The following CTNNA2 variants were observed in gnomAD, a reference collection of about 807,000 sequenced individuals.
CTNNA2 encodes the protein catenin alpha-2.
Under a neutral mutation model 101.0 loss-of-function variants are expected in CTNNA2, and 42 were observed. The observed-to-expected ratio is 0.42, with a 90% confidence interval of 0.32 to 0.54. CTNNA2 has a LOEUF of 0.54. CTNNA2 is among the 20% of genes least tolerant of loss of function. The pLI, the probability that CTNNA2 is intolerant of heterozygous loss-of-function variation, is 0.14. For synonymous variants in CTNNA2, 450 were observed against 456.4 expected (o/e 0.99, Z 0.18); for missense variants, 871 against 1,223.1 (o/e 0.71, Z 4.29).
chr2:80,280,248 C>G (rs1290174720), intron 7 of CTNNA2, among the ~76,000 whole-genome samples: 1 of 148,430 alleles, frequency 6.7e-6, no homozygotes, highest in East Asian at 2.1e-4. Context: ...TCTGGTATTT[C>G]TCAAATCCTG....
rs558774857 is a variant in CTNNA2, at chr2:79,543,810, C to A, written c.-6+30603C>A. On this transcript the variant is annotated intron_variant, in intron 1 of 18. Coordinates refer to ENST00000402739, the MANE Select transcript of CTNNA2 (RefSeq NM_001282597.3). ...CATGATACCAAAATTTCATTAACACCAATTTGAAAATATTAAAGAATAAAA... is the reference window on the plus strand; with the variant it reads ...CATGATACCAAAATTTCATTAACACAAATTTGAAAATATTAAAGAATAAAA... 1.6e-4 allele frequency among the ~76,000 whole-genome samples: 24 copies of A among 152,216 alleles called. No homozygotes were observed. In the East Asian group the frequency reaches 3.5e-3, roughly 22 times the overall value.
intron 4 of CTNNA2, among the ~76,000 whole-genome samples, chr2:79,496,651 G>A (rs1193205587): frequency 6.6e-6 from 1 of 150,970 alleles, no homozygotes; most frequent in Non-Finnish European, 1.5e-5. Flanking sequence ...TCCTAATTTT[G>A]AATACTTTTT....
At chr2:79,361,696 G>T (rs1035266200) in intron 3 of CTNNA2, among the ~76,000 whole-genome samples, 5 of 152,128 alleles carry the variant, frequency 3.3e-5, no homozygotes, top group Admixed American at 3.3e-4. Flanking sequence ...CCCACAATAG[G>T]CCATTTGCAA....
intron 9 of CTNNA2, among the ~76,000 whole-genome samples, chr2:80,505,619 T>C (rs977608282): frequency 6.6e-6 from 1 of 152,204 alleles, no homozygotes; most frequent in African/African-American, 2.4e-5. Context: ...GGGTGATATC[T>C]AAAGTTCCAC....
intron 7 of CTNNA2, among the ~76,000 whole-genome samples, chr2:80,388,017 C>G (rs1449521403): frequency 3.3e-5 from 5 of 152,144 alleles, no homozygotes; most frequent in South Asian, 2.1e-4. Flanking sequence ...AAGTGGGGAG[C>G]AGGCTCAAAA....
chr2:79,916,143 A>G (rs951061293), intron 7 of CTNNA2, among the ~76,000 whole-genome samples: 1 of 152,236 alleles, frequency 6.6e-6, no homozygotes, highest in Non-Finnish European at 1.5e-5. Context: ...AGCTTGGCTA[A>G]TAATAACTTT....
chr2:80,530,129 C>G (rs1044818768), intron 9 of CTNNA2, among the ~76,000 whole-genome samples: 2 of 152,112 alleles, frequency 1.3e-5, no homozygotes, highest in Non-Finnish European at 2.9e-5. Context: ...AACAAGGCAG[C>G]AGTGGTTACT....
chr2:80,012,096 C>T (rs1255785244), intron 7 of CTNNA2, among the ~76,000 whole-genome samples: 1 of 152,138 alleles, frequency 6.6e-6, no homozygotes, highest in Non-Finnish European at 1.5e-5. Flanking sequence ...GATTTGAGAC[C>T]AGTCTCCCTC....
chr2:80,083,787 T>G (rs1304627704), intron 7 of CTNNA2, among the ~76,000 whole-genome samples: 1 of 152,164 alleles, frequency 6.6e-6, no homozygotes, highest in Admixed American at 6.6e-5. Context: ...TACACTGTAT[T>G]TTTTCATTGT....
At chr2:80,257,544 C>T (rs1262088619) in intron 7 of CTNNA2, among the ~76,000 whole-genome samples, 1 of 152,156 alleles carries the variant, frequency 6.6e-6, no homozygotes, top group Non-Finnish European at 1.5e-5. Context: ...ATTCTGTGGC[C>T]TGGGTGTAGC....
At chr2:80,423,594 C>A (rs987386620) in intron 9 of CTNNA2, among the ~76,000 whole-genome samples, 1 of 151,866 alleles carries the variant, frequency 6.6e-6, no homozygotes, top group Non-Finnish European at 1.5e-5. Flanking sequence ...TGTTTTGGGG[C>A]GGCTCCACAG....
intron 7 of CTNNA2, among the ~76,000 whole-genome samples, chr2:80,000,796 G>T (rs576965708): frequency 4.1e-4 from 62 of 152,248 alleles, no homozygotes; most frequent in African/African-American, 1.3e-3. Context: ...TCCTGCCTAG[G>T]GATTTAGGGC....
At chr2:79,942,096 T>A (rs1688201512) in intron 7 of CTNNA2, among the ~76,000 whole-genome samples, 1 of 152,214 alleles carries the variant, frequency 6.6e-6, no homozygotes, top group South Asian at 2.1e-4. Flanking sequence ...CTGGCTCATT[T>A]AATCATCACC....
intron 1 of CTNNA2, among the ~76,000 whole-genome samples, chr2:79,642,733 T>C (rs1558796311): frequency 6.6e-6 from 1 of 151,922 alleles, no homozygotes; most frequent in Admixed American, 6.6e-5. Context: ...AGGATGCCTT[T>C]TACTCTCTAG....
intron 7 of CTNNA2, among the ~76,000 whole-genome samples, chr2:80,075,330 G>C (rs1011196287): frequency 1.3e-5 from 2 of 151,858 alleles, no homozygotes; most frequent in Non-Finnish European, 2.9e-5. Flanking sequence ...GGAGTTAGCT[G>C]TACCTGAATT....
chr2:79,983,123 T>C (rs886261888), intron 7 of CTNNA2, among the ~76,000 whole-genome samples: 2 of 149,902 alleles, frequency 1.3e-5, no homozygotes, highest in African/African-American at 4.9e-5. Flanking sequence ...AACAGTTTTA[T>C]ATATATATGT....
chr2:79,518,737 T>C (rs950113047), intron 1 of CTNNA2, among the ~76,000 whole-genome samples: 4 of 152,206 alleles, frequency 2.6e-5, no homozygotes, highest in Admixed American at 1.3e-4. Flanking sequence ...AGTGAGGAAG[T>C]AGCAATGTCC....
chr2:79,505,798 T>C (rs768664449), intron 5 of CTNNA2, among the ~76,000 whole-genome samples: 13 of 152,230 alleles, frequency 8.5e-5, no homozygotes, highest in Non-Finnish European at 1.5e-4. Flanking sequence ...CTCATTACAT[T>C]ATATTGCATT....
chr2:80,487,534 T>C (rs890839563), intron 9 of CTNNA2, among the ~76,000 whole-genome samples: 3 of 152,084 alleles, frequency 2.0e-5, no homozygotes, highest in African/African-American at 7.2e-5. Context: ...AAGCCCCTTA[T>C]AAAACCATCA....
Sources: gnomAD v4.1 joint callset for allele counts (sites outside exome capture counted in the v4.1 genomes callset) on GRCh38, gnomAD v4.1.1 for gene constraint, MANE v1.5 for transcripts, NCBI Gene and HGNC (gene_info 2026-07-23, HGNC 2026-07-21) for gene names.